The following CSMD1 variants were observed in gnomAD, a reference collection of about 807,000 sequenced individuals.
CSMD1 encodes CUB and sushi domain-containing protein 1.
In CSMD1, 213 loss-of-function variants were observed where a neutral mutation model predicts 417.5. The ratio of observed to expected loss-of-function variants is 0.51; its 90% CI spans 0.46 to 0.57. The LOEUF is 0.57. Among genes scored for constraint, CSMD1 ranks in the 20% least tolerant of loss-of-function variants. CSMD1 has a pLI of 0.00. For synonymous variants in CSMD1, 2,862 were observed against 1,736.8 expected, an observed-to-expected ratio of 1.65 and a Z score of -16.11; for missense variants, 6,923 against 4,529.7, an observed-to-expected ratio of 1.53 and a Z score of -15.17.
intron 3 of CSMD1, among the ~76,000 whole-genome samples, chr8:4,313,819 G>A (rs1462317085): frequency 1.3e-5 from 2 of 151,948 alleles, no homozygotes; most frequent in Admixed American, 6.6e-5. Flanking sequence ...TTCGAGACTA[G>A]CCTGACCAAT....
At chr8:3,999,113 G>GT (rs200360417) in intron 4 of CSMD1, among the ~76,000 whole-genome samples, 3,038 of 151,474 alleles carry the variant, frequency 0.02, 48 homozygotes, top group Non-Finnish European at 0.026. Flanking sequence ...TTTAAAGCAT[G>GT]TTTTTTAAAA....
chr8:3,488,084 T>C lies in CSMD1; in HGVS notation c.1448+5539A>G, dbSNP rs189692181. ...AACCAAATAAATGTTTAGAAACTCA[T>C]AGTATTATTATTATTATTATTATTA... On this transcript the variant is annotated intron_variant, in intron 11 of 69. Coordinates refer to ENST00000635120, the MANE Select transcript of CSMD1 (RefSeq NM_033225.6). 3.6e-5 allele frequency among the ~76,000 whole-genome samples: 5 copies of C among 137,926 alleles called. No homozygotes were observed. The East Asian group carries it at 6.7e-4, about 18-fold the overall frequency. 90.5% of individuals were successfully genotyped at this position (137,926 alleles called of 152,430 possible). A position where few individuals can be genotyped will look rare whatever the true frequency, so the allele number is the denominator to read the frequency against.
chr8:3,547,291 G>A (rs917742215), intron 10 of CSMD1, among the ~76,000 whole-genome samples: 10 of 152,208 alleles, frequency 6.6e-5, no homozygotes, highest in African/African-American at 2.4e-4. Flanking sequence ...TACTCGACAA[G>A]AAAATGAAAT....
intron 10 of CSMD1, among the ~76,000 whole-genome samples, chr8:3,510,260 T>G (rs1021575769): frequency 2.6e-5 from 4 of 151,844 alleles, no homozygotes; most frequent in African/African-American, 9.7e-5. Context: ...GCCGCGTCCC[T>G]TGCCTGCAGC....
At chr8:3,590,357 G>A (rs923816843) in intron 8 of CSMD1, among the ~76,000 whole-genome samples, 7 of 152,010 alleles carry the variant, frequency 4.6e-5, no homozygotes, top group South Asian at 2.1e-4. Context: ...CTATTAGACC[G>A]TTCCTTTCTT....
intron 1 of CSMD1, among the ~76,000 whole-genome samples, chr8:4,954,135 G>C (rs770906537): frequency 3.4e-4 from 51 of 152,110 alleles, no homozygotes; most frequent in African/African-American, 1.2e-3. Context: ...AAATGCCAAA[G>C]AGTAGGTTCA....
chr8:3,106,524 A>G lies in CSMD1; in HGVS notation c.6949+4T>C. 1 of 1,590,934 alleles carries G rather than the reference A, an allele frequency of 6.3e-7. No individual in the cohort carries two copies. Among genetic ancestry groups the G allele is most frequent in the Non-Finnish European group, 8.6e-7 (1 of 1,159,212 alleles). On this transcript the variant is annotated splice_donor_region_variant and intron_variant, in intron 46 of 69. Transcript: ENST00000635120. Reference sequence around the variant, plus strand: ...ATGTAGTTTTAGTATCGAACAGTGCATACCTTCACATGTTGGGAGAGAACC... The same window carrying G: ...ATGTAGTTTTAGTATCGAACAGTGCGTACCTTCACATGTTGGGAGAGAACC...
intron 2 of CSMD1, among the ~76,000 whole-genome samples, chr8:4,438,783 C>A (rs1234423122): frequency 6.6e-6 from 1 of 152,180 alleles, no homozygotes; most frequent in Non-Finnish European, 1.5e-5. Context: ...ATCACAAGTG[C>A]TTGAAGGATC....
At chr8:4,006,450 C>G (rs533562741) in intron 4 of CSMD1, among the ~76,000 whole-genome samples, 4 of 151,966 alleles carry the variant, frequency 2.6e-5, no homozygotes, top group South Asian at 2.1e-4. Flanking sequence ...AGGCTGAGGC[C>G]GAAGAATCGC....
intron 5 of CSMD1, among the ~76,000 whole-genome samples, chr8:3,792,388 C>T (rs1799802569): frequency 6.6e-6 from 1 of 152,152 alleles, no homozygotes; most frequent in Non-Finnish European, 1.5e-5. Flanking sequence ...CCACTTCCTG[C>T]CTCATTTCTT....
Position 4,994,369 on chromosome 8 carries a change from C to T in CSMD1, c.48G>A (p.Leu16=). Residue 16 remains leucine (L), a synonymous_variant, in exon 1 of 70, where the codon CTG becomes CTA. Transcript: ENST00000635120. ...RFQSLLLLLG[L]LVLCARLLTA... The stretch of plus-strand genomic sequence containing the variant: ...TGAGGAGCCTCGCGCACAGCACCAG[C>T]AGCCCGAGAAGCAGGAGCAGCGACT... 6.2e-7 allele frequency: 1 copy of T among 1,612,068 alleles called. No individual in the cohort carries two copies. Among genetic ancestry groups the T allele is most frequent in the Non-Finnish European group, 8.5e-7 (1 of 1,179,844 alleles).
intron 3 of CSMD1, among the ~76,000 whole-genome samples, chr8:4,161,110 A>ATATTTTT (rs951594511): frequency 9.0e-6 from 1 of 111,032 alleles, no homozygotes; most frequent in African/African-American, 2.9e-5. Flanking sequence ...AGGAAATATA[A>ATATTTTT]ACAAATAATG....
intron 7 of CSMD1, among the ~76,000 whole-genome samples, chr8:3,623,216 C>T (rs969898809): frequency 2.6e-5 from 4 of 152,142 alleles, no homozygotes; most frequent in African/African-American, 9.7e-5. Flanking sequence ...TTTTTCAAAG[C>T]ATGTTGATTT....
chr8:3,420,929 A>G (rs1813448810), intron 12 of CSMD1, among the ~76,000 whole-genome samples: 1 of 152,164 alleles, frequency 6.6e-6, no homozygotes, highest in South Asian at 2.1e-4. Flanking sequence ...CCAGTTATCT[A>G]ATAATCAGAA....
intron 50 of CSMD1, among the ~76,000 whole-genome samples, chr8:3,050,270 G>A (rs1375263489): frequency 6.6e-6 from 1 of 152,170 alleles, no homozygotes; most frequent in Non-Finnish European, 1.5e-5. Flanking sequence ...ATAGGATTTA[G>A]AACAAGAGGG....
intron 3 of CSMD1, among the ~76,000 whole-genome samples, chr8:4,062,588 T>C (rs1421606980): frequency 6.6e-6 from 1 of 152,214 alleles, no homozygotes; most frequent in Non-Finnish European, 1.5e-5. Flanking sequence ...TTTTCAGTGA[T>C]ACGTCCCAGA....
At chr8:3,205,445 G>C in intron 31 of CSMD1, 59 bp downstream of exon 31, 1 of 884,112 alleles carries the variant, frequency 1.1e-6, no homozygotes, top group Non-Finnish European at 1.7e-6. Context: ...TCAAATGACA[G>C]AAAAATTAAC....
chr8:3,991,408 C>A (rs991298290), intron 5 of CSMD1, among the ~76,000 whole-genome samples: 6 of 152,174 alleles, frequency 3.9e-5, no homozygotes, highest in African/African-American at 9.7e-5. Flanking sequence ...TGTTTAGTCA[C>A]ATCTTTATGC....
intron 2 of CSMD1, among the ~76,000 whole-genome samples, chr8:4,434,109 G>C (rs529226774): frequency 1.3e-5 from 2 of 152,226 alleles, no homozygotes; most frequent in African/African-American, 4.8e-5. Flanking sequence ...AGGTTGAAGT[G>C]GGCAGATCAC....
Sources: gnomAD v4.1 joint callset for allele counts (sites outside exome capture counted in the v4.1 genomes callset) on GRCh38, gnomAD v4.1.1 for gene constraint, MANE v1.5 for transcripts, NCBI Gene and HGNC (gene_info 2026-07-23, HGNC 2026-07-21) for gene names.